The following CSMD1 variants were observed in gnomAD, a reference collection of about 807,000 sequenced individuals.
CSMD1 encodes CUB and Sushi multiple domains 1.
A neutral mutation model predicts 417.5 loss-of-function variants in CSMD1; 213 were observed. The observed-to-expected ratio is 0.51, with a 90% CI of 0.46 to 0.57. The LOEUF is 0.57. CSMD1 is among the 20% of genes least tolerant of loss of function. The pLI is 0.00. For synonymous variants in CSMD1, 2,862 were observed against 1,736.8 expected, an observed-to-expected ratio of 1.65 and a Z score of -16.11; for missense variants, 6,923 against 4,529.7, an observed-to-expected ratio of 1.53 and a Z score of -15.17.
chr8:3,517,999 G>A lies in CSMD1; in HGVS notation c.1345-24273C>T, dbSNP rs557819794. Reference sequence around the variant, plus strand: ...ATAAATAATCATATAAATCATGTAGGTGAACTTAAGAAACAACTCTAGAAA... The same window carrying A: ...ATAAATAATCATATAAATCATGTAGATGAACTTAAGAAACAACTCTAGAAA... On this transcript the variant is annotated intron_variant, in intron 10 of 69. Coordinates refer to ENST00000635120, the MANE Select transcript of CSMD1 (RefSeq NM_033225.6). Among the ~76,000 whole-genome samples the A allele has an allele frequency of 2.6e-5, 4 of 152,116 alleles. No homozygotes were observed. In the South Asian group the frequency reaches 8.3e-4, roughly 32 times the overall value.
In CSMD1 at chr8:4,870,151, T is replaced by C. The variant is rs116313324; in HGVS notation, c.85+124181A>G. On this transcript the variant is annotated intron_variant, in intron 1 of 69. Transcript: ENST00000635120. ...AATCTAATTACATATACTTATAAAA[T>C]GTTTAAACATCATGGAAATTTATAA... 9.2e-5 allele frequency among the ~76,000 whole-genome samples: 14 copies of C among 152,242 alleles called. No homozygotes were observed. The South Asian group carries it at 2.1e-3, about 23-fold the overall frequency.
At chr8:4,015,008 C>T (rs1334483025) in intron 4 of CSMD1, among the ~76,000 whole-genome samples, 1 of 152,078 alleles carries the variant, frequency 6.6e-6, no homozygotes, top group Non-Finnish European at 1.5e-5. Flanking sequence ...ACCACGTAGA[C>T]CAGGTTTACT....
intron 10 of CSMD1, among the ~76,000 whole-genome samples, chr8:3,556,545 CACACA>C (rs764052568): frequency 0.38 from 53,723 of 140,386 alleles, 10,108 homozygotes; most frequent in Middle Eastern, 0.43. Context: ...CACACACACA[CACACA>C]CCCTCTCTCT....
intron 12 of CSMD1, among the ~76,000 whole-genome samples, chr8:3,445,361 T>C (rs1391015163): frequency 6.6e-6 from 1 of 152,184 alleles, no homozygotes; most frequent in Non-Finnish European, 1.5e-5. Context: ...TATACATATA[T>C]GTTACCATCT....
chr8:3,677,287 C>G (rs951809113), intron 7 of CSMD1, among the ~76,000 whole-genome samples: 1 of 152,092 alleles, frequency 6.6e-6, no homozygotes, highest in Non-Finnish European at 1.5e-5. Context: ...AGTTATGGTT[C>G]CAACTAATGA....
chr8:4,354,984 C>T (rs1801329820), intron 3 of CSMD1, among the ~76,000 whole-genome samples: 1 of 151,356 alleles, frequency 6.6e-6, no homozygotes, highest in South Asian at 2.1e-4. Context: ...CTTTTGTGGC[C>T]AGGCACGGTG....
chr8:4,035,511 A>G (rs1296254852), intron 3 of CSMD1, among the ~76,000 whole-genome samples: 3 of 146,800 alleles, frequency 2.0e-5, no homozygotes, highest in Non-Finnish European at 4.4e-5. Context: ...TGCCCCGAAG[A>G]CCTTCTGGTG....
rs1811737287 is a variant in CSMD1, at chr8:4,757,430, G to C, written c.86-119872C>G. Among the ~76,000 whole-genome samples the C allele has an allele frequency of 2.0e-5, 3 of 152,248 alleles. No homozygotes were observed. The South Asian group carries it at 6.2e-4, about 32-fold the overall frequency. On this transcript the variant is annotated intron_variant, in intron 1 of 69. Transcript: ENST00000635120. ...ACAATAGTCACCAATTATGAGCTGT[G>C]ATCCTGGAGAGCAGGAAGGTTAACT...
At chr8:3,739,997 G>T (rs1391654522) in intron 6 of CSMD1, among the ~76,000 whole-genome samples, 1 of 152,016 alleles carries the variant, frequency 6.6e-6, no homozygotes, top group African/African-American at 2.4e-5. Flanking sequence ...AAATTGTCTT[G>T]GTCTCTTCTG....
At chr8:3,366,301 C>A (rs1400044176) in intron 20 of CSMD1, among the ~76,000 whole-genome samples, 1 of 152,132 alleles carries the variant, frequency 6.6e-6, no homozygotes, top group Non-Finnish European at 1.5e-5. Flanking sequence ...GACCTGTTCA[C>A]TGAGCATCAT....
At chr8:3,678,987 G>C (rs1002200492) in intron 7 of CSMD1, among the ~76,000 whole-genome samples, 4 of 152,100 alleles carry the variant, frequency 2.6e-5, no homozygotes, top group African/African-American at 9.7e-5. Flanking sequence ...CAAATGCTGA[G>C]AGATTTTGCC....
At chr8:3,493,240 G>C (rs1421031215) in intron 11 of CSMD1, among the ~76,000 whole-genome samples, 3 of 144,890 alleles carry the variant, frequency 2.1e-5, no homozygotes, top group African/African-American at 5.2e-5. Flanking sequence ...GTTGCAGTGA[G>C]CCGAGATCTG....
intron 2 of CSMD1, among the ~76,000 whole-genome samples, chr8:4,516,083 C>T (rs1044663169): frequency 5.9e-5 from 9 of 152,100 alleles, no homozygotes; most frequent in Non-Finnish European, 1.3e-4. Flanking sequence ...CCAGGTGCCT[C>T]AGAATGTGAC....
intron 5 of CSMD1, among the ~76,000 whole-genome samples, chr8:3,987,480 A>C (rs777965051): frequency 3.3e-5 from 5 of 152,174 alleles, no homozygotes; most frequent in Non-Finnish European, 7.3e-5. Flanking sequence ...CAGCTAGATG[A>C]GTATCTTTAA....
chr8:3,680,881 A>G (rs1799619497), intron 7 of CSMD1, among the ~76,000 whole-genome samples: 1 of 152,222 alleles, frequency 6.6e-6, no homozygotes, highest in African/African-American at 2.4e-5. Flanking sequence ...AGGCTGGTTC[A>G]ATATACGCAA....
intron 5 of CSMD1, among the ~76,000 whole-genome samples, chr8:3,888,351 C>G (rs1461085332): frequency 1.3e-5 from 2 of 152,174 alleles, no homozygotes; most frequent in Middle Eastern, 3.2e-3. Context: ...ATGGTGATTA[C>G]TCAGTCAGAT....
At chr8:4,943,190 A>G (rs140988330) in intron 1 of CSMD1, among the ~76,000 whole-genome samples, 1 of 152,264 alleles carries the variant, frequency 6.6e-6, no homozygotes, top group African/African-American at 2.4e-5. Flanking sequence ...TTCAAAGCAC[A>G]TTTGCACTTT....
chr8:4,099,274 C>T (rs1281224223), intron 3 of CSMD1, among the ~76,000 whole-genome samples: 2 of 152,012 alleles, frequency 1.3e-5, no homozygotes, highest in Admixed American at 1.3e-4. Flanking sequence ...CTGTTACTTT[C>T]ATCGCCTCTA....
chr8:4,772,127 C>T (rs1170442496), intron 1 of CSMD1, among the ~76,000 whole-genome samples: 12 of 152,110 alleles, frequency 7.9e-5, no homozygotes, highest in Admixed American at 7.2e-4. Context: ...TTTGGGTCCA[C>T]CGAGAGCAGA....
Sources: gnomAD v4.1 joint callset for allele counts (sites outside exome capture counted in the v4.1 genomes callset) on GRCh38, gnomAD v4.1.1 for gene constraint, MANE v1.5 for transcripts, NCBI Gene and HGNC (gene_info 2026-07-23, HGNC 2026-07-21) for gene names.